The following DCLK1 variants were observed in gnomAD, a reference collection of about 807,000 sequenced individuals.
DCLK1 encodes the protein doublecortin like kinase 1.
A neutral mutation model predicts 86.2 loss-of-function variants in DCLK1; 16 were observed. The observed-to-expected ratio is 0.19, with a 90% CI of 0.13 to 0.28. The LOEUF (loss-of-function observed/expected upper bound fraction) is 0.28. DCLK1 is among the 10% of genes least tolerant of loss of function. The pLI, the probability that DCLK1 is intolerant of heterozygous loss-of-function variation, is 1.00. For missense variants in DCLK1, 590 were observed against 940.2 expected (o/e 0.63, Z 4.87); for synonymous variants, 369 against 370.5 (o/e 1.00, Z 0.05).
chr13:35,855,790 C>A, intron 5 of DCLK1: 6 of 1,266,734 alleles, frequency 4.7e-6, no homozygotes, highest in Non-Finnish European at 6.0e-6. Flanking sequence ...CCAACAGCAA[C>A]CCCCATCCCG....
chr13:35,921,303 AGT>A (rs1232752031), intron 4 of DCLK1, among the ~76,000 whole-genome samples: 1 of 152,056 alleles, frequency 6.6e-6, no homozygotes, highest in Non-Finnish European at 1.5e-5. Flanking sequence ...CTGGTATTCA[AGT>A]GTGTGTTCCC....
intron 3 of DCLK1, among the ~76,000 whole-genome samples, chr13:36,031,460 T>C (rs1288154953): frequency 6.6e-6 from 1 of 152,236 alleles, no homozygotes; most frequent in Non-Finnish European, 1.5e-5. Flanking sequence ...AAATTATATG[T>C]ACGTACATAT....
chr13:35,825,348 G>T (rs1290955410), intron 10 of DCLK1, among the ~76,000 whole-genome samples: 1 of 152,118 alleles, frequency 6.6e-6, no homozygotes, highest in Non-Finnish European at 1.5e-5. Flanking sequence ...GTATGGTCTT[G>T]CAGCACAATT....
At chr13:35,919,959 C>T (rs1279885757) in intron 4 of DCLK1, among the ~76,000 whole-genome samples, 2 of 152,016 alleles carry the variant, frequency 1.3e-5, no homozygotes, top group African/African-American at 2.4e-5. Context: ...GTGCTTACGA[C>T]ACAGCCGGCA....
At chr13:36,024,021 G>A (rs577766906) in intron 3 of DCLK1, among the ~76,000 whole-genome samples, 15 of 150,050 alleles carry the variant, frequency 1.0e-4, no homozygotes, top group African/African-American at 3.2e-4. Flanking sequence ...TCAGCCTCCC[G>A]AGTAGCTGGG....
chr13:35,854,692 C>A, intron 5 of DCLK1, 99 bp from the exon 6 acceptor site: 1 of 1,035,178 alleles, frequency 9.7e-7, no homozygotes. Context: ...TATAGAGAGC[C>A]ATCTACTAGA....
intron 3 of DCLK1, among the ~76,000 whole-genome samples, chr13:35,971,780 T>A (rs1382458366): frequency 1.4e-5 from 2 of 146,298 alleles, no homozygotes; most frequent in South Asian, 2.2e-4. Context: ...AAAAAAAAAA[T>A]TCCATAGTAA....
chr13:35,798,232 G>C (rs1442324860), intron 15 of DCLK1, among the ~76,000 whole-genome samples: 1 of 152,174 alleles, frequency 6.6e-6, no homozygotes, highest in Non-Finnish European at 1.5e-5. Context: ...GGAGGCTTGT[G>C]GGGGAACGGA....
intron 4 of DCLK1, among the ~76,000 whole-genome samples, chr13:35,874,511 G>T (rs1872482390): frequency 1.3e-5 from 2 of 152,106 alleles, no homozygotes; most frequent in South Asian, 2.1e-4. Context: ...AAAGAGAAAT[G>T]AATCAAGGCA....
rs2086376778 is a variant in DCLK1, at chr13:35,773,952, TG to T, written c.*582del. 6.7e-6 allele frequency: 1 copy of T among 148,696 alleles called. No individual in the cohort carries two copies. The highest frequency in any genetic ancestry group is 2.6e-5 in the African/African-American group (1 of 38,528). 9.2% of individuals were successfully genotyped at this position (148,696 alleles called of 1,614,324 possible). A position where few individuals can be genotyped will look rare whatever the true frequency, so the allele number is the denominator to read the frequency against. The stretch of plus-strand genomic sequence containing the variant: ...CTGCAACTGACAGTCATATCTCTAA[TG>T]AAAAAAAAAATCTGTTTCTGAATAG... On this transcript the variant is annotated 3_prime_UTR_variant, in exon 17 of 17. Coordinates refer to ENST00000360631, the MANE Select transcript of DCLK1 (RefSeq NM_001330071.2).
chr13:35,993,409 CTTTTCTTATAAT>C (rs1303373232), intron 3 of DCLK1, among the ~76,000 whole-genome samples: 1 of 152,178 alleles, frequency 6.6e-6, no homozygotes, highest in Non-Finnish European at 1.5e-5. Flanking sequence ...GAGCAAGGAT[CTTTTCTTATAAT>C]TTTTCTTATA....
chr13:35,825,897 C>T (rs1337004984), intron 10 of DCLK1, among the ~76,000 whole-genome samples: 5 of 151,838 alleles, frequency 3.3e-5, no homozygotes, highest in African/African-American at 1.2e-4. Context: ...ACTGCAACCA[C>T]CACCTCCCGG....
intron 3 of DCLK1, among the ~76,000 whole-genome samples, chr13:35,958,048 T>TATAACCACCACCACCAC (rs1566620291): frequency 8.9e-5 from 1 of 11,212 alleles, no homozygotes; most frequent in Non-Finnish European, 1.8e-4. Flanking sequence ...ACCACCACCA[T>TATAACCACCACCACCAC]CACCACTATA....
chr13:36,043,417 A>G (rs1566657750), intron 3 of DCLK1, among the ~76,000 whole-genome samples: 1 of 152,092 alleles, frequency 6.6e-6, no homozygotes, highest in Non-Finnish European at 1.5e-5. Flanking sequence ...TTAAAGATCA[A>G]TATAGGAGGT....
chr13:35,823,355 G>GCACA (rs34702154), intron 10 of DCLK1, among the ~76,000 whole-genome samples: 45,647 of 147,648 alleles, frequency 0.31, 7,143 homozygotes, highest in African/African-American at 0.38. Flanking sequence ...TTATTAGGAT[G>GCACA]CACACACACA....
At chr13:35,874,014 T>C (rs1437569525) in intron 4 of DCLK1, among the ~76,000 whole-genome samples, 1 of 152,226 alleles carries the variant, frequency 6.6e-6, no homozygotes, top group African/African-American at 2.4e-5. Context: ...TGTTAGCTTT[T>C]CAAATGTGGT....
chr13:36,128,201 G>A (rs112112040), intron 1 of DCLK1, among the ~76,000 whole-genome samples: 8 of 152,268 alleles, frequency 5.3e-5, no homozygotes, highest in African/African-American at 1.4e-4. Flanking sequence ...ATTTACTGAA[G>A]GTCTAGGAGG....
intron 16 of DCLK1, among the ~76,000 whole-genome samples, chr13:35,792,480 T>C (rs1338163803): frequency 6.6e-6 from 1 of 152,212 alleles, no homozygotes; most frequent in African/African-American, 2.4e-5. Context: ...TGCTGTTTAA[T>C]AGCATAAATA....
intron 4 of DCLK1, among the ~76,000 whole-genome samples, chr13:35,876,415 G>A (rs1266995081): frequency 6.6e-6 from 1 of 152,080 alleles, no homozygotes; most frequent in Non-Finnish European, 1.5e-5. Context: ...AAATCCAGCT[G>A]AAGAATATTG....
Sources: allele counts gnomAD v4.1 joint callset (sites outside exome capture counted in the v4.1 genomes callset), GRCh38; gene constraint gnomAD v4.1.1; transcripts MANE v1.5; gene names NCBI Gene and HGNC (gene_info 2026-07-23, HGNC 2026-07-21).